Variants in CAMTA1 observed in about 807,000 individuals in gnomAD.
The protein encoded by CAMTA1 is calmodulin binding transcription activator 1.
In CAMTA1, 27 loss-of-function variants were observed where a neutral mutation model predicts 170.9. That is an observed-to-expected ratio of 0.16 (90% confidence interval 0.12 to 0.22). The LOEUF (loss-of-function observed/expected upper bound fraction) is 0.22. Ranked by LOEUF, CAMTA1 falls within the 10% of genes least tolerant of loss-of-function variation. The probability of loss-of-function intolerance (pLI) is 1.00; values close to 1 mark genes in which losing one functional copy is unlikely to be tolerated. For missense variants in CAMTA1, 1,619 were observed against 2,217.2 expected (o/e 0.73, Z 5.42); for synonymous variants, 833 against 891.5 (o/e 0.93, Z 1.17).
intron 16 of CAMTA1, among the ~76,000 whole-genome samples, chr1:7,741,948 T>G (rs907575492): frequency 1.4e-4 from 21 of 150,962 alleles, no homozygotes; most frequent in Non-Finnish European, 3.1e-4. Flanking sequence ...CGGGTTGTTT[T>G]TTTTTTTTTT....
rs550083876 is a variant in CAMTA1, at chr1:6,808,084, A to G, written c.46-12097A>G. ...GAAATGGAACAGAGGCATAGAGCCAAGAGAGTACAGGGAGTGGGTGGAATT... is the reference window on the plus strand; with the variant it reads ...GAAATGGAACAGAGGCATAGAGCCAGGAGAGTACAGGGAGTGGGTGGAATT... On this transcript the variant is annotated intron_variant, in intron 1 of 22. Coordinates refer to ENST00000303635, the MANE Select transcript of CAMTA1 (RefSeq NM_015215.4). Among the ~76,000 whole-genome samples the G allele has an allele frequency of 1.4e-4, 22 of 152,008 alleles. 1 individual carries two copies. The highest frequency in any genetic ancestry group is 5.3e-4 in the African/African-American group (22 of 41,456).
intron 3 of CAMTA1, among the ~76,000 whole-genome samples, chr1:6,995,295 CT>C (rs765139922): frequency 3.4e-3 from 208 of 60,610 alleles, no homozygotes; most frequent in East Asian, 9.5e-3. Flanking sequence ...TTTTTCTTTT[CT>C]TTTTTTTTTT....
At position 7,417,754 on chromosome 1, in the gene CAMTA1, G is replaced by C. The variant is rs569162444; in HGVS notation, c.439-50076G>C. Among the ~76,000 whole-genome samples the C allele has an allele frequency of 3.9e-5, 6 of 152,288 alleles. No individual in the cohort carries two copies. In the South Asian group the frequency reaches 1.2e-3, roughly 32 times the overall value. On this transcript the variant is annotated intron_variant, in intron 5 of 22. Transcript: ENST00000303635. ...TGAGGCAATGCCTCGCTGTGCTTCGGCTCACACACAGTGTGCCGCACCCAC... is the reference window on the plus strand; with the variant it reads ...TGAGGCAATGCCTCGCTGTGCTTCGCCTCACACACAGTGTGCCGCACCCAC...
rs1709172754 is a variant in CAMTA1 at position 7,067,948 on chromosome 1, T to C, written c.235-23356T>C. Among the ~76,000 whole-genome samples, 2 of 152,226 alleles carry C rather than the reference T, an allele frequency of 1.3e-5. No homozygotes were observed. The highest frequency in any genetic ancestry group is 2.9e-5 in the Non-Finnish European group (2 of 68,046). Reference sequence around the variant, plus strand: ...AAAAGGGTGTATGATTTCTGTCTTCTGGACTTTGGAAAATGTGATGGTTAT... The same window carrying C: ...AAAAGGGTGTATGATTTCTGTCTTCCGGACTTTGGAAAATGTGATGGTTAT... On this transcript the variant is annotated intron_variant, in intron 3 of 22. Coordinates refer to ENST00000303635, the MANE Select transcript of CAMTA1 (RefSeq NM_015215.4). This position sits in a 1 kb window ranked among gnomAD's most constrained non-coding sequence, Gnocchi z 4.3.
At chr1:7,433,034 T>G (rs941447046) in intron 5 of CAMTA1, among the ~76,000 whole-genome samples, 1 of 152,120 alleles carries the variant, frequency 6.6e-6, no homozygotes, top group Non-Finnish European at 1.5e-5. Context: ...GCAGGCAGCC[T>G]CCCTCTGACC....
intron 3 of CAMTA1, among the ~76,000 whole-genome samples, chr1:6,860,631 C>T (rs1203963396): frequency 1.3e-5 from 2 of 151,976 alleles, no homozygotes; most frequent in Non-Finnish European, 2.9e-5. Flanking sequence ...CTATCAGGGC[C>T]GGGCGCAATG....
chr1:7,379,742 A>C (rs1401334392), intron 5 of CAMTA1, among the ~76,000 whole-genome samples: 2 of 152,166 alleles, frequency 1.3e-5, no homozygotes, highest in Non-Finnish European at 2.9e-5. Flanking sequence ...GAACTCCTTC[A>C]CTGTCTTTGT....
At chr1:7,396,678 C>T (rs1209379445) in intron 5 of CAMTA1, among the ~76,000 whole-genome samples, 1 of 152,094 alleles carries the variant, frequency 6.6e-6, no homozygotes, top group Non-Finnish European at 1.5e-5. Flanking sequence ...TCCTGTATAT[C>T]TGATTTTTAA....
At chr1:7,357,359 A>AG (rs1389683343) in intron 5 of CAMTA1, among the ~76,000 whole-genome samples, 1 of 152,044 alleles carries the variant, frequency 6.6e-6, no homozygotes, top group Non-Finnish European at 1.5e-5. Context: ...CCTGGTGAGG[A>AG]GGGGGGTGAG....
At chr1:7,357,360 G>A (rs543778071) in intron 5 of CAMTA1, among the ~76,000 whole-genome samples, 60 of 152,366 alleles carry the variant, frequency 3.9e-4, no homozygotes, top group African/African-American at 1.4e-3. Context: ...CTGGTGAGGA[G>A]GGGGGTGAGC....
At chr1:7,656,717 C>A (rs1316682110) in intron 7 of CAMTA1, among the ~76,000 whole-genome samples, 1 of 152,266 alleles carries the variant, frequency 6.6e-6, no homozygotes, top group African/African-American at 2.4e-5. Context: ...CCACGCCTTC[C>A]CCCAGCCCTC....
At chr1:7,621,398 A>G (rs992228117) in intron 6 of CAMTA1, among the ~76,000 whole-genome samples, 1 of 152,246 alleles carries the variant, frequency 6.6e-6, no homozygotes, top group Non-Finnish European at 1.5e-5. Flanking sequence ...CTGGGATGCC[A>G]GGAATTTCCC....
Position 7,565,451 on chromosome 1 carries a change from A to G in CAMTA1, c.511-74949A>G, listed in dbSNP as rs2095028205. ...CAACCCAGGTCCCTGACCACGTGGT[A>G]GAGTGAAGAGGCCAGGAACAGAGGG... is the stretch of plus-strand genomic sequence containing the variant. On this transcript the variant is annotated intron_variant, in intron 6 of 22. Transcript: ENST00000303635. The surrounding 1 kb of genome is among the most constrained non-coding windows in gnomAD (Gnocchi z 4.5). 6.6e-6 allele frequency among the ~76,000 whole-genome samples: 1 copy of G among 152,142 alleles called. No individual in the cohort carries two copies. The highest frequency in any genetic ancestry group is 2.4e-5 in the African/African-American group (1 of 41,430).
At chr1:7,637,216 C>T (rs550456479) in intron 6 of CAMTA1, among the ~76,000 whole-genome samples, 19 of 152,232 alleles carry the variant, frequency 1.2e-4, no homozygotes, top group African/African-American at 4.3e-4. Context: ...CCAGGCTGGC[C>T]CAGGCTGTGC....
intron 5 of CAMTA1, among the ~76,000 whole-genome samples, chr1:7,276,303 A>ATTTTTTTTTTTTTTTTTTTTTTT (rs1180773965): frequency 4.1e-5 from 1 of 24,232 alleles, no homozygotes; most frequent in African/African-American, 3.0e-4. Flanking sequence ...ATATATATAT[A>ATTTTTTTTTTTTTTTTTTTTTTT]TTTTTTTTTT....
chr1:6,877,484 G>A (rs747831337), intron 3 of CAMTA1, among the ~76,000 whole-genome samples: 3 of 152,134 alleles, frequency 2.0e-5, no homozygotes, highest in African/African-American at 4.8e-5. Context: ...AGGAAAAGTC[G>A]GCAACGCTAT....
intron 6 of CAMTA1, among the ~76,000 whole-genome samples, chr1:7,564,220 C>A (rs562590864): frequency 6.6e-6 from 1 of 152,326 alleles, no homozygotes; most frequent in East Asian, 1.9e-4. Context: ...GTAGGGCTGG[C>A]CTTTGTCACT....
intron 5 of CAMTA1, among the ~76,000 whole-genome samples, chr1:7,406,603 G>T (rs2090306382): frequency 6.6e-6 from 1 of 151,554 alleles, no homozygotes; most frequent in Admixed American, 6.6e-5. Context: ...AGCACACACG[G>T]ATGTACACAC....
intron 1 of CAMTA1, among the ~76,000 whole-genome samples, chr1:6,794,539 C>T (rs1641969157): frequency 6.6e-6 from 1 of 152,072 alleles, no homozygotes; most frequent in Non-Finnish European, 1.5e-5. Flanking sequence ...TACTTTAAGC[C>T]ATATGAATGG....
Sources: allele counts gnomAD v4.1 joint callset (sites outside exome capture counted in the v4.1 genomes callset), GRCh38; gene constraint gnomAD v4.1.1; non-coding constraint Gnocchi (gnomAD v3.1); transcripts MANE v1.5; gene names NCBI Gene and HGNC (gene_info 2026-07-23, HGNC 2026-07-21).